The following ZFHX3 variants were observed in gnomAD, a reference collection of about 807,000 sequenced individuals.
The protein encoded by ZFHX3 is zinc finger homeobox protein 3.
ZFHX3 carries 42 observed loss-of-function variants against 279.1 expected under a neutral mutation model. That is an observed-to-expected ratio of 0.15 (90% CI 0.12 to 0.19). The LOEUF (loss-of-function observed/expected upper bound fraction) is 0.19. Among genes scored for constraint, ZFHX3 ranks in the 10% least tolerant of loss-of-function variants. The pLI is 1.00. For missense variants in ZFHX3, 4,981 were observed against 4,754.0 expected (o/e 1.05, Z -1.40); for synonymous variants, 2,293 against 1,957.8 (o/e 1.17, Z -4.52).
At chr16:73,753,728 C>T (rs534454509) in intron 1 of ZFHX3, among the ~76,000 whole-genome samples, 2 of 152,284 alleles carry the variant, frequency 1.3e-5, no homozygotes, top group South Asian at 4.1e-4. Flanking sequence ...TTTTAGGGAT[C>T]GCCTGTCCTG....
chr16:73,869,563 T>TG (rs1465894276), intron 1 of ZFHX3, among the ~76,000 whole-genome samples: 1 of 152,234 alleles, frequency 6.6e-6, no homozygotes, highest in East Asian at 1.9e-4. Flanking sequence ...TATACATACA[T>TG]AACTTATTTG....
intron 3 of ZFHX3, among the ~76,000 whole-genome samples, chr16:73,409,796 C>T (rs1404015710): frequency 6.6e-6 from 1 of 152,106 alleles, no homozygotes; most frequent in African/African-American, 2.4e-5. Flanking sequence ...GAATGAGATC[C>T]TATAATTTGC....
chr16:72,816,239 A>G (rs1168693418), intron 5 of ZFHX3, among the ~76,000 whole-genome samples: 2 of 152,186 alleles, frequency 1.3e-5, no homozygotes, highest in Non-Finnish European at 2.9e-5. Context: ...ACTGTGCAAA[A>G]CATCAGATGG....
rs769815685 is a variant in ZFHX3 at position 73,096,982 on chromosome 16, A to G, written c.-896-3384T>C. 1.3e-5 allele frequency among the ~76,000 whole-genome samples: 2 copies of G among 152,060 alleles called. 1 individual carries two copies. Among genetic ancestry groups the G allele is most frequent in the South Asian group, 4.2e-4 (2 of 4,814 alleles). ...CGGCCACAGGGAAAGCCAAGGCAAG[A>G]GGAGAAATATTTTTTCTTTGCATCT... On this transcript the variant is annotated intron_variant, in intron 7 of 17. Coordinates refer to the ZFHX3 transcript ENST00000641206.
At chr16:73,766,319 T>A (rs1310728991) in intron 1 of ZFHX3, among the ~76,000 whole-genome samples, 1 of 152,196 alleles carries the variant, frequency 6.6e-6, no homozygotes, top group Non-Finnish European at 1.5e-5. Flanking sequence ...TAACTTAAAA[T>A]CTCTTGTTTC....
At chr16:72,829,923 C>T (rs1308458772) in intron 4 of ZFHX3, 64 bp from the exon 5 acceptor site, 1 of 1,573,054 alleles carries the variant, frequency 6.4e-7, no homozygotes, top group Non-Finnish European at 8.7e-7. Flanking sequence ...CTTTTGGCCT[C>T]TGTTGCAAAC....
intron 1 of ZFHX3, among the ~76,000 whole-genome samples, chr16:72,980,551 G>A (rs533730882): frequency 1.3e-5 from 2 of 151,608 alleles, no homozygotes; most frequent in East Asian, 3.9e-4. Flanking sequence ...TTGAGCCCAG[G>A]AGTCTGAGAC....
intron 4 of ZFHX3, among the ~76,000 whole-genome samples, chr16:73,293,473 C>T (rs1176471698): frequency 2.6e-5 from 4 of 152,112 alleles, no homozygotes; most frequent in Non-Finnish European, 5.9e-5. Context: ...GATTTTGGTG[C>T]CTGTAATGTC....
At chr16:73,420,732 AAT>A (rs1440273139) in intron 3 of ZFHX3, 1 of 152,152 alleles carries the variant, frequency 6.6e-6, no homozygotes, top group African/African-American at 2.4e-5. Flanking sequence ...TTTCCCTGGG[AAT>A]ATGTTTCGGG....
At chr16:73,013,062 C>A (rs1470219487) in intron 1 of ZFHX3, among the ~76,000 whole-genome samples, 3 of 152,132 alleles carry the variant, frequency 2.0e-5, no homozygotes, top group African/African-American at 7.2e-5. Flanking sequence ...TCTGGGCGCT[C>A]AGGAGGTACA....
intron 3 of ZFHX3, among the ~76,000 whole-genome samples, chr16:73,367,110 C>T (rs1172059913): frequency 6.6e-6 from 1 of 152,158 alleles, no homozygotes; most frequent in Non-Finnish European, 1.5e-5. Context: ...GGTTCTCCCT[C>T]ATTAGGGAAC....
chr16:72,871,490 C>T (rs772911309), intron 4 of ZFHX3, among the ~76,000 whole-genome samples: 15 of 151,680 alleles, frequency 9.9e-5, no homozygotes, highest in Middle Eastern at 3.4e-3. Flanking sequence ...TACAAGCACG[C>T]GCCACCACGC....
At chr16:73,312,465 G>A (rs571441171) in intron 4 of ZFHX3, among the ~76,000 whole-genome samples, 2 of 152,134 alleles carry the variant, frequency 1.3e-5, no homozygotes, top group African/African-American at 4.8e-5. Flanking sequence ...ATCCAGTCCC[G>A]ATCACTGACT....
chr16:72,997,336 C>T (rs182254739), intron 1 of ZFHX3, among the ~76,000 whole-genome samples: 1 of 152,314 alleles, frequency 6.6e-6, no homozygotes, highest in African/African-American at 2.4e-5. Context: ...GTTTGAGCAA[C>T]AGCTGCCTTC....
intron 3 of ZFHX3, among the ~76,000 whole-genome samples, chr16:72,893,375 T>C (rs2038818822): frequency 6.6e-6 from 1 of 152,238 alleles, no homozygotes; most frequent in Non-Finnish European, 1.5e-5. Flanking sequence ...GTGAGAGTTC[T>C]ATTCCAAATG....
intron 4 of ZFHX3, among the ~76,000 whole-genome samples, chr16:73,306,634 T>C (rs2015187318): frequency 6.6e-6 from 1 of 152,192 alleles, no homozygotes. Context: ...GCATGAATAT[T>C]TTTCATGCCT....
intron 2 of ZFHX3, among the ~76,000 whole-genome samples, chr16:73,515,500 G>A (rs1018651070): frequency 6.6e-6 from 1 of 150,608 alleles, no homozygotes. Flanking sequence ...AGAGAGGAGA[G>A]AGAGAAAGAG....
intron 3 of ZFHX3, among the ~76,000 whole-genome samples, chr16:73,440,468 C>T (rs1188673959): frequency 6.6e-6 from 1 of 152,160 alleles, no homozygotes; most frequent in East Asian, 1.9e-4. Context: ...CATTTGGCAC[C>T]AATTAACCAT....
At position 72,813,125 on chromosome 16, in the gene ZFHX3, T is replaced by C. The variant is rs1211576220; in HGVS notation, c.3530-1087A>G. Among the ~76,000 whole-genome samples, 5 of 152,204 alleles carry C rather than the reference T, an allele frequency of 3.3e-5. No homozygotes were observed. The East Asian group carries it at 9.6e-4, about 29-fold the overall frequency. Reference sequence around the variant, plus strand: ...GGTCAATATCTGAGTGTTGGCTCTTTCATTTGTTTTGAATATGGGACTCCA... The same window carrying C: ...GGTCAATATCTGAGTGTTGGCTCTTCCATTTGTTTTGAATATGGGACTCCA... On this transcript the variant is annotated intron_variant, in intron 5 of 9. Coordinates refer to ENST00000268489, the MANE Select transcript of ZFHX3 (RefSeq NM_006885.4).
Sources: gnomAD v4.1 joint callset for allele counts (sites outside exome capture counted in the v4.1 genomes callset) on GRCh38, gnomAD v4.1.1 for gene constraint, MANE v1.5 for transcripts, NCBI Gene and HGNC (gene_info 2026-07-23, HGNC 2026-07-21) for gene names.